Variants in SCUBE2 observed in about 807,000 individuals in gnomAD.
SCUBE2 encodes signal peptide, CUB and EGF-like domain-containing protein 2.
SCUBE2 carries 114 observed loss-of-function variants against 125.9 expected under a neutral mutation model. That is an observed-to-expected ratio of 0.91 (90% CI 0.78 to 1.06). The LOEUF (loss-of-function observed/expected upper bound fraction) is 1.06, where lower values mean the gene tolerates loss of function less well. Among genes scored for constraint, SCUBE2 ranks in the 50% least tolerant of loss-of-function variants. SCUBE2 has a pLI of 0.00. For missense variants in SCUBE2, 1,255 were observed against 1,301.8 expected (o/e 0.96, Z 0.55); for synonymous variants, 459 against 492.9 (o/e 0.93, Z 0.91).
At chr11:9,053,071 C>A (rs550808134) in intron 12 of SCUBE2, 28 bp downstream of exon 12, 13 of 1,591,818 alleles carry the variant, frequency 8.2e-6, no homozygotes, top group Non-Finnish European at 9.5e-6. Context: ...AGTGTGAGGA[C>A]CTGCCCCGGG....
At chr11:9,032,205 C>T (rs1856370247) in intron 17 of SCUBE2, among the ~76,000 whole-genome samples, 1 of 151,916 alleles carries the variant, frequency 6.6e-6, no homozygotes, top group African/African-American at 2.4e-5. Context: ...TACAGCTTGA[C>T]CTCCTGGGCT....
intron 17 of SCUBE2, among the ~76,000 whole-genome samples, chr11:9,032,631 G>A (rs1233355447): frequency 6.6e-6 from 1 of 152,166 alleles, no homozygotes; most frequent in African/African-American, 2.4e-5. Context: ...TTCTCTGGAG[G>A]CTGAGGCATG....
intron 20 of SCUBE2, chr11:9,026,992 G>T (rs1050524332): frequency 3.5e-5 from 9 of 255,904 alleles, no homozygotes; most frequent in Admixed American, 2.5e-4. Context: ...TAGGAGGACA[G>T]GTCCCCACCT....
intron 20 of SCUBE2, 55 bp downstream of exon 20, chr11:9,027,309 A>C: frequency 6.5e-7 from 1 of 1,537,040 alleles, no homozygotes; most frequent in Non-Finnish European, 9.0e-7. Flanking sequence ...CCTGAGGAGC[A>C]GGTCATCAGG....
chr11:9,068,415 T>G (rs1283193143), intron 5 of SCUBE2, among the ~76,000 whole-genome samples: 1 of 152,172 alleles, frequency 6.6e-6, no homozygotes, highest in Non-Finnish European at 1.5e-5. Flanking sequence ...ACAAGTGTAC[T>G]GAGCATATCC....
intron 9 of SCUBE2, among the ~76,000 whole-genome samples, chr11:9,056,234 A>G (rs1405710035): frequency 1.3e-5 from 2 of 152,210 alleles, no homozygotes; most frequent in African/African-American, 4.8e-5. Flanking sequence ...AACATACCTA[A>G]AAAGGGTTTT....
At chr11:9,027,083 A>T (rs2135067664) in intron 20 of SCUBE2, 1 of 454,668 alleles carries the variant, frequency 2.2e-6, no homozygotes, top group Non-Finnish European at 4.0e-6. Context: ...CATGATCCTC[A>T]CTGGCTCTCT....
At chr11:9,042,578 C>T (rs1415353450) in intron 16 of SCUBE2, among the ~76,000 whole-genome samples, 1 of 152,218 alleles carries the variant, frequency 6.6e-6, no homozygotes, top group Non-Finnish European at 1.5e-5. Flanking sequence ...TTCTCATGCT[C>T]TCTCAAGAGC....
At chr11:9,033,493 A>G in intron 17 of SCUBE2, 133 bp downstream of exon 17, 1 of 983,614 alleles carries the variant, frequency 1.0e-6, no homozygotes, top group South Asian at 1.6e-5. Flanking sequence ...CCAAAGATGA[A>G]TCGAGCCAAC....
Position 9,069,496 on chromosome 11 carries a change from C to T in SCUBE2, c.518-1G>A, listed in dbSNP as rs763626812. 3.1e-6 allele frequency: 5 copies of T among 1,614,108 alleles called. No individual in the cohort carries two copies. The highest frequency in any genetic ancestry group is 1.7e-4 in the Middle Eastern group (1 of 6,060). ...TCCTTATTCATGCAGCTCAGGCCCT[C>T]TGAAAAACAGCAGTGTGCGACAGGT... On this transcript the variant is annotated splice_acceptor_variant, in intron 4 of 22. Transcript: ENST00000649792. LOFTEE classifies it high-confidence loss of function.
chr11:9,041,710 G>A (rs986465848), intron 16 of SCUBE2, among the ~76,000 whole-genome samples: 2 of 152,158 alleles, frequency 1.3e-5, no homozygotes, highest in African/African-American at 4.8e-5. Flanking sequence ...GGCAAAGACA[G>A]TATGACTACG....
At chr11:9,043,950 T>C (rs1857470027) in intron 16 of SCUBE2, among the ~76,000 whole-genome samples, 2 of 152,222 alleles carry the variant, frequency 1.3e-5, no homozygotes, top group Non-Finnish European at 2.9e-5. Flanking sequence ...GCAGTATCTA[T>C]TAAAGTTTTA....
chr11:9,031,670 A>G (rs1856317335), intron 17 of SCUBE2, among the ~76,000 whole-genome samples: 1 of 152,166 alleles, frequency 6.6e-6, no homozygotes, highest in African/African-American at 2.4e-5. Flanking sequence ...CCCTGTTTTA[A>G]CAATAATATT....
chr11:9,031,836 C>T (rs1026242518), intron 17 of SCUBE2, among the ~76,000 whole-genome samples: 3 of 151,580 alleles, frequency 2.0e-5, no homozygotes, highest in African/African-American at 7.2e-5. Context: ...AATCATCTCT[C>T]CTCTATTAAT....
rs1858263345 is a variant in SCUBE2 at position 9,050,680 on chromosome 11, A to C, written c.1565T>G (p.Phe522Cys). ...DVTTIRTSVT[F>C]KLNEGKCSLK... ...ACTACACTTGCCTTCATTTAGCTTAAAGGTTACACTTGTCCTGATGGTGGT... is the reference window on the plus strand; with the variant it reads ...ACTACACTTGCCTTCATTTAGCTTACAGGTTACACTTGTCCTGATGGTGGT... The change falls in exon 14 of 23, where the codon TTT (phenylalanine) becomes TGT (cysteine). Residue 522 changes from phenylalanine to cysteine, a missense_variant. Physicochemically the swap from Phe to Cys is radical, Grantham distance 205 (BLOSUM62 -2). Transcript: ENST00000649792. The C allele has an allele frequency of 6.2e-7, 1 of 1,614,194 alleles. No homozygotes were observed. Among genetic ancestry groups the C allele is most frequent in the Non-Finnish European group, 8.5e-7 (1 of 1,180,000 alleles).
At chr11:9,066,043 C>T in intron 6 of SCUBE2, 63 bp from the exon 7 acceptor site, 4 of 1,134,186 alleles carry the variant, frequency 3.5e-6, no homozygotes, top group South Asian at 2.6e-5. Context: ...CATCCCCATA[C>T]AACTGTGTTT....
intron 7 of SCUBE2, among the ~76,000 whole-genome samples, chr11:9,063,783 T>C (rs2135659525): frequency 6.6e-6 from 1 of 152,344 alleles, no homozygotes; most frequent in East Asian, 1.9e-4. Context: ...CAGGCCCTGC[T>C]AGGGCAGGCT....
intron 9 of SCUBE2, 60 bp downstream of exon 9, chr11:9,059,243 C>T (rs181912199): frequency 1.4e-5 from 22 of 1,578,034 alleles, no homozygotes; most frequent in African/African-American, 4.0e-5. Flanking sequence ...GAGGGTGCTA[C>T]GTTCTCTCTG....
At chr11:9,067,078 G>A (rs961771454) in intron 5 of SCUBE2, among the ~76,000 whole-genome samples, 1 of 152,134 alleles carries the variant, frequency 6.6e-6, no homozygotes, top group Non-Finnish European at 1.5e-5. Context: ...TTGGGGGAGA[G>A]ACTTTTATTA....
Sources: allele counts gnomAD v4.1 joint callset (sites outside exome capture counted in the v4.1 genomes callset), GRCh38; gene constraint gnomAD v4.1.1; transcripts MANE v1.5; gene names NCBI Gene and HGNC (gene_info 2026-07-23, HGNC 2026-07-21).